Variants in VPS28 observed in about 807,000 individuals in gnomAD.
The protein encoded by VPS28 is VPS28 subunit of ESCRT-I.
A neutral mutation model predicts 33.7 loss-of-function variants in VPS28; 29 were observed. The observed-to-expected ratio is 0.86, with a 90% CI of 0.64 to 1.17. The LOEUF is 1.17. Among genes scored for constraint, VPS28 ranks in the 50% most tolerant of loss-of-function variants. The pLI is 0.00. For missense variants in VPS28, 247 were observed against 312.2 expected (o/e 0.79, Z 1.57); for synonymous variants, 164 against 116.7 (o/e 1.40, Z -2.61).
chr8:144,426,158 C>A, intron 3 of VPS28, 22 bp downstream of exon 3: 1 of 1,602,556 alleles, frequency 6.2e-7, no homozygotes, highest in African/African-American at 1.3e-5. Flanking sequence ...CAATGCCGGC[C>A]GGGTGGGCAC....
chr8:144,427,831 G>A (rs1243566145), intron 1 of VPS28, among the ~76,000 whole-genome samples: 9 of 152,314 alleles, frequency 5.9e-5, no homozygotes, highest in African/African-American at 1.9e-4. Context: ...ATTTGAGATA[G>A]GATTAAAATA....
chr8:144,426,270 G>A (rs1822738029), intron 2 of VPS28, 62 bp from the exon 3 acceptor site: 4 of 1,507,822 alleles, frequency 2.7e-6, no homozygotes, highest in South Asian at 1.3e-5. Flanking sequence ...GCAGACTCCA[G>A]TCCCAGTCTC....
intron 7 of VPS28, 110 bp downstream of exon 7, chr8:144,424,608 G>GC: frequency 8.0e-7 from 1 of 1,243,248 alleles, no homozygotes; most frequent in Non-Finnish European, 1.1e-6. Context: ...CTTCTGCCCA[G>GC]CAAGTCAGAG....
intron 2 of VPS28, 86 bp from the exon 3 acceptor site, chr8:144,426,294 C>G: frequency 6.9e-7 from 1 of 1,452,380 alleles, no homozygotes. Flanking sequence ...TTCAGTTCCT[C>G]CCTGAGGCCT....
At chr8:144,428,096 G>A (rs1444813380) in intron 1 of VPS28, among the ~76,000 whole-genome samples, 2 of 152,024 alleles carry the variant, frequency 1.3e-5, no homozygotes, top group African/African-American at 2.4e-5. Flanking sequence ...GCCGGGAAAG[G>A]GCGTCGCCGC....
chr8:144,424,672 G>C, intron 7 of VPS28, 46 bp downstream of exon 7: 1 of 1,593,492 alleles, frequency 6.3e-7, no homozygotes, highest in Non-Finnish European at 8.5e-7. Flanking sequence ...GCTGCAGCAG[G>C]CAGCCTCGGC....
chr8:144,424,273 G>A lies in VPS28; in HGVS notation c.403-5C>T, dbSNP rs782749578. The A allele has an allele frequency of 2.4e-5, 38 of 1,599,046 alleles. No individual in the cohort carries two copies. The highest frequency in any genetic ancestry group is 3.0e-5 in the Non-Finnish European group (35 of 1,171,998). Reference sequence around the variant, plus strand: ...GTCCATGACCGTGATGAAGAGCTGGGGGCAGGTGTGCACATGAGGCTCGCG... The same window carrying A: ...GTCCATGACCGTGATGAAGAGCTGGAGGCAGGTGTGCACATGAGGCTCGCG... On this transcript the variant is annotated splice_region_variant and splice_polypyrimidine_tract_variant and intron_variant, in intron 7 of 9. Coordinates refer to ENST00000292510, the MANE Select transcript of VPS28 (RefSeq NM_016208.4).
At chr8:144,427,217 T>G (rs1822827288) in intron 1 of VPS28, 1 of 315,488 alleles carries the variant, frequency 3.2e-6, no homozygotes, top group African/African-American at 2.2e-5. Flanking sequence ...GAGAATCGCT[T>G]GAACCCAGGA....
chr8:144,425,218 C>T, intron 5 of VPS28, 167 bp from the exon 6 acceptor site: 1 of 636,806 alleles, frequency 1.6e-6, no homozygotes, highest in Non-Finnish European at 2.7e-6. Flanking sequence ...GGGTGAGGCC[C>T]TGAGCACGTA....
intron 2 of VPS28, 23 bp from the exon 3 acceptor site, chr8:144,426,231 G>A (rs782286974): frequency 1.7e-5 from 27 of 1,587,824 alleles, no homozygotes; most frequent in Non-Finnish European, 2.2e-5. Context: ...GCAGAGAGCT[G>A]GCAGGCTGGC....
intron 5 of VPS28, 30 bp from the exon 6 acceptor site, chr8:144,425,081 T>G: frequency 6.5e-7 from 1 of 1,541,902 alleles, no homozygotes; most frequent in Non-Finnish European, 8.8e-7. Flanking sequence ...TGCCCAAGCA[T>G]GGGACCAGCC....
In VPS28 at chr8:144,424,100, G is replaced by A; in HGVS notation, c.489C>T (p.Thr163=). The A allele has an allele frequency of 6.4e-7, 1 of 1,553,988 alleles. No homozygotes were observed. The change falls in exon 9 of 10, where the codon ACC becomes ACT. Residue 163 remains threonine, a synonymous_variant. Coordinates refer to ENST00000292510, the MANE Select transcript of VPS28 (RefSeq NM_016208.4). ...GTGGGAGGTGGCTCATGCGGTGCATGGTCTCCATCAGCTCTCGCAGGTCGG... is the reference window on the plus strand; with the variant it reads ...GTGGGAGGTGGCTCATGCGGTGCATAGTCTCCATCAGCTCTCGCAGGTCGG... ...IQPDLRELME[T]MHRMSHLPPD...
At position 144,424,205 on chromosome 8, in the gene VPS28, A is replaced by G. The variant is rs782344741; in HGVS notation, c.456+10T>C. 1.9e-6 allele frequency: 3 copies of G among 1,591,708 alleles called. No homozygotes were observed. Among genetic ancestry groups the G allele is most frequent in the Non-Finnish European group, 2.6e-6 (3 of 1,168,000 alleles). On this transcript the variant is annotated intron_variant, in intron 8 of 9. Transcript: ENST00000292510. Reference sequence around the variant, plus strand: ...CCTGCCTAGGCCCCCTGCCAGCCCAATACCCGCACCTCATCCATGGCGCGG... The same window carrying G: ...CCTGCCTAGGCCCCCTGCCAGCCCAGTACCCGCACCTCATCCATGGCGCGG...
intron 5 of VPS28, chr8:144,425,397 G>C: frequency 1.8e-6 from 1 of 564,208 alleles, no homozygotes; most frequent in Non-Finnish European, 3.2e-6. Context: ...CCCCCCAAAA[G>C]ATCCTGGGAC....
chr8:144,423,790 G>T lies in VPS28; in HGVS notation c.*15C>A. 6.2e-7 allele frequency: 1 copy of T among 1,613,104 alleles called. No individual in the cohort carries two copies. ...TCAGACTCTGCCCTTCTGTGCAAGG[G>T]CTAGTGCCCCGGGCTCAGGCATGCA... On this transcript the variant is annotated 3_prime_UTR_variant, in exon 10 of 10. Coordinates refer to ENST00000292510, the MANE Select transcript of VPS28 (RefSeq NM_016208.4).
chr8:144,424,673 C>G (rs782175930), intron 7 of VPS28, 45 bp downstream of exon 7: 33 of 1,595,076 alleles, frequency 2.1e-5, no homozygotes, highest in Non-Finnish European at 2.7e-5. Flanking sequence ...CTGCAGCAGG[C>G]AGCCTCGGCT....
chr8:144,424,623 G>C, intron 7 of VPS28, 95 bp downstream of exon 7: 1 of 1,341,320 alleles, frequency 7.5e-7, no homozygotes, highest in Non-Finnish European at 1.1e-6. Context: ...TCAGAGTGCT[G>C]CTCAGCTCTG....
intron 7 of VPS28, chr8:144,424,503 A>T: frequency 1.3e-6 from 1 of 785,048 alleles, no homozygotes; most frequent in Non-Finnish European, 2.0e-6. Context: ...ACCCCGCCAG[A>T]ACGCACCCTG....
Position 144,426,929 on chromosome 8 carries a change from G to C in VPS28, c.17C>G (p.Pro6Arg). 6.2e-7 allele frequency: 1 copy of C among 1,612,690 alleles called. No individual in the cohort carries two copies. The highest frequency in any genetic ancestry group is 8.5e-7 in the Non-Finnish European group (1 of 1,179,786). ...CTCACCTCCTATGCCCGGCGTGGCT[G>C]GGATCCCATGAAACATCCTCTAGGC... MFHGI[P>R]ATPGIGAPGN... Residue 6 changes from proline to arginine, a missense_variant, in exon 2 of 10, where the codon CCA becomes CGA. This residue lies in a region of VPS28 where 149 missense variants were observed against 172.8 expected (regional missense o/e 0.86). Transcript: ENST00000292510.
Sources: gnomAD v4.1 joint callset for allele counts (sites outside exome capture counted in the v4.1 genomes callset) on GRCh38, gnomAD v4.1.1 for gene constraint, gnomAD v4.1.1 regional missense constraint, MANE v1.5 for transcripts, NCBI Gene and HGNC (gene_info 2026-07-23, HGNC 2026-07-21) for gene names.